Variants in TENM3 observed in about 807,000 individuals in gnomAD.
The protein encoded by TENM3 is teneurin transmembrane protein 3, also known as teneurin-3.
In TENM3, 63 loss-of-function variants were observed where a neutral mutation model predicts 255.1. That is an observed-to-expected ratio of 0.25 (90% CI 0.20 to 0.30). The LOEUF is 0.30. Ranked by LOEUF, TENM3 falls within the 10% of genes least tolerant of loss-of-function variation. The pLI, the probability that TENM3 is intolerant of heterozygous loss-of-function variation, is 1.00. For missense variants in TENM3, 2,929 were observed against 3,461.1 expected, an observed-to-expected ratio of 0.85 and a Z score of 3.86; for synonymous variants, 1,306 against 1,322.3, an observed-to-expected ratio of 0.99 and a Z score of 0.27.
At chr4:181,489,414 G>A in the TENM3 span, among the ~76,000 whole-genome samples, 1,577 of 152,222 alleles carry the variant, frequency 0.01, 27 homozygotes, top group African/African-American at 0.036. Context: ...GTGTGCAATA[G>A]TTAAATTCAA....
At chr4:182,001,529 G>A in the TENM3 span, among the ~76,000 whole-genome samples, 1 of 152,032 alleles carries the variant, frequency 6.6e-6, no homozygotes, top group Admixed American at 6.6e-5. Flanking sequence ...CTTGTGAAGG[G>A]TGTTTCTTTT....
chr4:182,585,462 G>A (rs77262595), intron 3 of TENM3, among the ~76,000 whole-genome samples: 142 of 152,230 alleles, frequency 9.3e-4, no homozygotes, highest in African/African-American at 3.0e-3. Context: ...TGATCCTGCC[G>A]CATTAGCATC....
At chr4:181,466,181 G>A in the TENM3 span, among the ~76,000 whole-genome samples, 5 of 148,118 alleles carry the variant, frequency 3.4e-5, no homozygotes, top group Admixed American at 2.0e-4. Context: ...GTAATGGTGC[G>A]ATCTCAACCC....
At chr4:182,418,788 C>G (rs1461235690) in intron 3 of TENM3, among the ~76,000 whole-genome samples, 2 of 152,096 alleles carry the variant, frequency 1.3e-5, no homozygotes, top group South Asian at 4.1e-4. Flanking sequence ...GTCTTGAACC[C>G]CTGGGCTCAA....
intron 4 of TENM3, among the ~76,000 whole-genome samples, chr4:182,627,824 A>G (rs181246625): frequency 1.6e-3 from 236 of 152,086 alleles, no homozygotes; most frequent in Non-Finnish European, 2.9e-3. Context: ...TGACCACACA[A>G]TTTCTGCTTA....
At chr4:182,053,111 T>A in the TENM3 span, among the ~76,000 whole-genome samples, 1 of 152,096 alleles carries the variant, frequency 6.6e-6, no homozygotes, top group African/African-American at 2.4e-5. Flanking sequence ...GTGCCACCTC[T>A]CCTGGCTTTT....
the TENM3 span, among the ~76,000 whole-genome samples, chr4:181,925,046 T>C: frequency 6.6e-6 from 1 of 152,194 alleles, no homozygotes; most frequent in East Asian, 1.9e-4. Flanking sequence ...CTTCTATTCC[T>C]TTGCAACCAA....
intron 5 of TENM3, among the ~76,000 whole-genome samples, chr4:182,634,955 A>G (rs1751722604): frequency 6.6e-6 from 1 of 152,198 alleles, no homozygotes; most frequent in South Asian, 2.1e-4. Flanking sequence ...ACGCATTGCT[A>G]CATGCAAATC....
intron 1 of TENM3, among the ~76,000 whole-genome samples, chr4:182,155,102 A>T (rs1750615201): frequency 6.6e-6 from 1 of 152,186 alleles, no homozygotes; most frequent in Admixed American, 6.5e-5. Flanking sequence ...AATTGGTTCT[A>T]TTCAAAATTG....
chr4:181,576,199 G>T, the TENM3 span, among the ~76,000 whole-genome samples: 24 of 152,282 alleles, frequency 1.6e-4, no homozygotes, highest in African/African-American at 5.8e-4. Flanking sequence ...GTGAGAATAT[G>T]CAGTCTGTCT....
intron 4 of TENM3, among the ~76,000 whole-genome samples, chr4:182,615,937 T>C (rs1749473887): frequency 6.6e-6 from 1 of 152,198 alleles, no homozygotes; most frequent in African/African-American, 2.4e-5. Context: ...GAAGTTAAAC[T>C]TAAGCTAAGA....
intron 1 of TENM3, among the ~76,000 whole-genome samples, chr4:182,275,123 C>A (rs1186140558): frequency 1.3e-5 from 2 of 152,170 alleles, no homozygotes; most frequent in Non-Finnish European, 2.9e-5. Flanking sequence ...CCGCACCCAG[C>A]AGTATTTTTT....
At chr4:182,190,809 G>A (rs750737295) in intron 1 of TENM3, among the ~76,000 whole-genome samples, 58 of 152,124 alleles carry the variant, frequency 3.8e-4, no homozygotes, top group Non-Finnish European at 6.9e-4. Context: ...GGGGCAAGGG[G>A]CATTTGAGGA....
chr4:181,982,699 A>T, the TENM3 span, among the ~76,000 whole-genome samples: 1 of 152,174 alleles, frequency 6.6e-6, no homozygotes, highest in Non-Finnish European at 1.5e-5. Flanking sequence ...ATATGGATTC[A>T]ATTGTTTACT....
At chr4:181,616,957 C>T in the TENM3 span, among the ~76,000 whole-genome samples, 1 of 152,182 alleles carries the variant, frequency 6.6e-6, no homozygotes, top group African/African-American at 2.4e-5. Flanking sequence ...TTACCGTTTT[C>T]TGGGTAGCCC....
the TENM3 span, among the ~76,000 whole-genome samples, chr4:181,733,089 G>A: frequency 6.6e-6 from 1 of 152,134 alleles, no homozygotes; most frequent in African/African-American, 2.4e-5. Context: ...ATGAAGGTTG[G>A]GAGTTGCGTT....
In TENM3 at chr4:182,784,729, C is replaced by A. The variant is rs201515903; in HGVS notation, c.5305-4364C>A. ...AGACTCCGTGGGCGTAGGACCCTCC[C>A]AGCCAGGTGCGGGATATAATCTCCT... On this transcript the variant is annotated intron_variant, in intron 24 of 27. Transcript: ENST00000511685. 3.3e-5 allele frequency among the ~76,000 whole-genome samples: 5 copies of A among 150,688 alleles called. No individual in the cohort carries two copies. In the East Asian group the frequency reaches 7.9e-4, roughly 24 times the overall value.
intron 4 of TENM3, among the ~76,000 whole-genome samples, chr4:182,614,980 TG>T (rs1482208691): frequency 6.7e-6 from 1 of 149,432 alleles, no homozygotes; most frequent in Non-Finnish European, 1.5e-5. Flanking sequence ...GTCACTACTT[TG>T]TCCTCAGCAG....
the TENM3 span, among the ~76,000 whole-genome samples, chr4:181,965,871 T>C: frequency 6.6e-6 from 1 of 152,174 alleles, no homozygotes; most frequent in Non-Finnish European, 1.5e-5. Flanking sequence ...ATCCCATCAC[T>C]TGGAGTGATG....
Sources: gnomAD v4.1 joint callset for allele counts (sites outside exome capture counted in the v4.1 genomes callset) on GRCh38, gnomAD v4.1.1 for gene constraint, MANE v1.5 for transcripts, NCBI Gene and HGNC (gene_info 2026-07-23, HGNC 2026-07-21) for gene names.